TSTD1: variants seen among roughly 807,000 people sequenced by gnomAD.
TSTD1 encodes thiosulfate sulfurtransferase like domain containing 1, also known as thiosulfate:glutathione sulfurtransferase.
TSTD1 carries 7 observed loss-of-function variants against 12.6 expected under a neutral mutation model. The ratio of observed to expected loss-of-function variants is 0.55; its 90% CI spans 0.32 to 1.04. The LOEUF (loss-of-function observed/expected upper bound fraction) is 1.04, where lower values mean the gene tolerates loss of function less well. Among genes scored for constraint, TSTD1 ranks in the 50% least tolerant of loss-of-function variants. The pLI, the probability that TSTD1 is intolerant of heterozygous loss-of-function variation, is 0.05. For missense variants in TSTD1, 156 were observed against 151.0 expected (o/e 1.03, Z -0.17); for synonymous variants, 73 against 59.7 (o/e 1.22, Z -1.03).
Position 161,038,910 on chromosome 1 carries a change from G to A in TSTD1, c.-21C>T. 1 of 1,550,750 alleles carries A rather than the reference G, an allele frequency of 6.4e-7. No individual in the cohort carries two copies. Among genetic ancestry groups the A allele is most frequent in the Admixed American group, 2.0e-5 (1 of 50,988 alleles). Reference sequence around the variant, plus strand: ...GCCATGGTGCGCGTAGCAACCGCGAGTCTCCGGAGTGCGGCCCTGGCCCGC... The same window carrying A: ...GCCATGGTGCGCGTAGCAACCGCGAATCTCCGGAGTGCGGCCCTGGCCCGC... On this transcript the variant is annotated 5_prime_UTR_variant, in exon 1 of 4. Transcript: ENST00000423014.
rs745803362 is a variant in TSTD1 at position 161,038,596 on chromosome 1, C to T, written c.88G>A (p.Glu30Lys). 1.9e-6 allele frequency: 3 copies of T among 1,550,278 alleles called. No homozygotes were observed. Among genetic ancestry groups the T allele is most frequent in the African/African-American group, 2.7e-5 (2 of 73,150 alleles). ...RARLFDVRSR[E>K]EAAAGTIPGA... ...GGGATGGTCCCAGCTGCCGCCTCCT[C>T]GCGAGAGCGCACGTCGAAGAGCCGG... The change falls in exon 2 of 4, where the codon GAG becomes AAG. Residue 30 changes from glutamate to lysine, a missense_variant. Coordinates refer to ENST00000423014, the MANE Select transcript of TSTD1 (RefSeq NM_001113207.2).
chr1:161,037,990 C>T lies in TSTD1; in HGVS notation c.219G>A (p.Glu73=). 1 of 1,551,784 alleles carries T rather than the reference C, an allele frequency of 6.4e-7. No homozygotes were observed. The highest frequency in any genetic ancestry group is 8.7e-7 in the Non-Finnish European group (1 of 1,147,014). ...YSAEKPKLED[E]HLVFFCQMGK... Reference sequence around the variant, plus strand: ...CCATCTGACAGAAGAAAACGAGATGCTCATCTTCCAGCTTTGGCTTCTCAG... The same window carrying T: ...CCATCTGACAGAAGAAAACGAGATGTTCATCTTCCAGCTTTGGCTTCTCAG... The change falls in exon 3 of 4, where the codon GAG becomes GAA. Residue 73 remains glutamate (E), a synonymous_variant. Transcript: ENST00000423014.
At chr1:161,038,281 C>T (rs1387139349) in intron 2 of TSTD1, 6 of 678,646 alleles carry the variant, frequency 8.8e-6, no homozygotes, top group Middle Eastern at 4.1e-4. Flanking sequence ...CGGGATGCCC[C>T]CTCAGGCGTC....
In TSTD1 at chr1:161,038,552, C is replaced by CG; in HGVS notation, c.131dup (p.Val45GlyfsTer22). The CG allele has an allele frequency of 6.5e-7, 1 of 1,540,942 alleles. No individual in the cohort carries two copies. Among genetic ancestry groups the CG allele is most frequent in the Non-Finnish European group, 8.8e-7 (1 of 1,138,698 alleles). On this transcript the variant is annotated frameshift_variant and splice_region_variant, in exon 2 of 4. Coordinates refer to ENST00000423014, the MANE Select transcript of TSTD1 (RefSeq NM_001113207.2). LOFTEE classifies it high-confidence loss of function. ...GGGCGTCCCCTCTCCACCCTATACC[C>CG]GGGATGTTGAGCGCCCCTGGGATGG...
rs1322499674 is a variant in TSTD1, at chr1:161,038,386, G to GC, written c.133+164dup. 38 of 870,786 alleles carry GC rather than the reference G, an allele frequency of 4.4e-5. No individual in the cohort carries two copies. In the East Asian group the frequency reaches 9.0e-4, roughly 21 times the overall value. 53.9% of individuals were successfully genotyped at this position (870,786 alleles called of 1,614,324 possible). On this transcript the variant is annotated intron_variant, in intron 2 of 3. Transcript: ENST00000423014. ...TGGGCCAGTTCCGATGCCAAGATCCGCCCCCCATCAGTCCTTCCTACGGAA... is the reference window on the plus strand; with the variant it reads ...TGGGCCAGTTCCGATGCCAAGATCCGCCCCCCCATCAGTCCTTCCTACGGAA...
intron 1 of TSTD1, 49 bp from the exon 2 acceptor site, chr1:161,038,722 C>A: frequency 6.6e-7 from 1 of 1,526,236 alleles, no homozygotes; most frequent in South Asian, 1.2e-5. Context: ...CTAGGAGTCA[C>A]GGCCGCCATG....
chr1:161,038,525 C>T (rs1650326758), intron 2 of TSTD1, 26 bp downstream of exon 2: 1 of 1,517,760 alleles, frequency 6.6e-7, no homozygotes, highest in South Asian at 1.2e-5. Flanking sequence ...ATTCCACCAC[C>T]TGGGCGTCCC....
Position 161,038,533 on chromosome 1 carries a change from C to CCA in TSTD1, c.133+17_133+18insTG. ...GGTCTCTATTCCACCACCTGGGCGT[C>CCA]CCCTCTCCACCCTATACCCGGGATG... is the stretch of plus-strand genomic sequence containing the variant. On this transcript the variant is annotated intron_variant, in intron 2 of 3. Coordinates refer to ENST00000423014, the MANE Select transcript of TSTD1 (RefSeq NM_001113207.2). The CCA allele has an allele frequency of 6.6e-7, 1 of 1,520,504 alleles. No individual in the cohort carries two copies. The highest frequency in any genetic ancestry group is 8.9e-7 in the Non-Finnish European group (1 of 1,125,766). The allele number at this position is 1,520,504 out of a possible 1,614,324, so 94.2% of individuals were successfully genotyped here.
At position 161,037,694 on chromosome 1, in the gene TSTD1, C is replaced by A; in HGVS notation, c.*81G>T. On this transcript the variant is annotated 3_prime_UTR_variant, in exon 4 of 4. Transcript: ENST00000423014. ...CAACACTATAAGGAGTTGCCCAATT[C>A]ACCAAGTCAGCCCGTTCACACCCTT... 1 of 1,470,624 alleles carries A rather than the reference C, an allele frequency of 6.8e-7. No homozygotes were observed. Among genetic ancestry groups the A allele is most frequent in the Non-Finnish European group, 9.3e-7 (1 of 1,076,066 alleles). The allele number at this position is 1,470,624 out of a possible 1,614,324, so 91.1% of individuals were successfully genotyped here.
intron 1 of TSTD1, 76 bp from the exon 2 acceptor site, chr1:161,038,749 C>G: frequency 6.6e-7 from 1 of 1,519,866 alleles, no homozygotes; most frequent in South Asian, 1.2e-5. Context: ...CCTCACCTGG[C>G]AGCGCCCCTC....
At position 161,038,964 on chromosome 1, in the gene TSTD1, C is replaced by G; in HGVS notation, c.-75G>C. 6.5e-7 allele frequency: 1 copy of G among 1,546,522 alleles called. No homozygotes were observed. Among genetic ancestry groups the G allele is most frequent in the Non-Finnish European group, 8.7e-7 (1 of 1,143,292 alleles). ...CTCGGCGCCTGCAACATCTCCCGTT[C>G]CCTCCCAGAGCTGAGACCGGATCCG... On this transcript the variant is annotated 5_prime_UTR_variant, in exon 1 of 4. Transcript: ENST00000423014.
rs975022504 is a variant in TSTD1, at chr1:161,037,867, A to C, written c.297-41T>G. ...AGCGTGAGAGACTGACAGGAATGAC[A>C]GGCAGTCCCCATCACCTCCCAGCTA... On this transcript the variant is annotated intron_variant, in intron 3 of 3. Transcript: ENST00000423014. 3 of 1,551,784 alleles carry C rather than the reference A, an allele frequency of 1.9e-6. No individual in the cohort carries two copies. The African/African-American group carries it at 4.1e-5, about 21-fold the overall frequency.
rs1237072871 is a variant in TSTD1, at chr1:161,038,603, G to A, written c.81C>T (p.Arg27=). The change falls in exon 2 of 4, where the codon CGC becomes CGT. Residue 27 remains arginine (R), a synonymous_variant. Transcript: ENST00000423014. ...TCCCAGCTGCCGCCTCCTCGCGAGAGCGCACGTCGAAGAGCCGGGCCCGTC... is the reference window on the plus strand; with the variant it reads ...TCCCAGCTGCCGCCTCCTCGCGAGAACGCACGTCGAAGAGCCGGGCCCGTC... ...ASGRARLFDV[R]SREEAAAGTI... is the part of the protein sequence containing the mutation. 33 of 1,550,354 alleles carry A rather than the reference G, an allele frequency of 2.1e-5. No homozygotes were observed. Among genetic ancestry groups the A allele is most frequent in the Non-Finnish European group, 2.8e-5 (32 of 1,146,024 alleles).
chr1:161,037,917 T>C lies in TSTD1; in HGVS notation c.292A>G (p.Thr98Ala). The C allele has an allele frequency of 1.9e-6, 3 of 1,551,816 alleles. No individual in the cohort carries two copies. Among genetic ancestry groups the C allele is most frequent in the South Asian group, 1.2e-5 (1 of 84,068 alleles). Reference sequence around the variant, plus strand: ...AGCAGCCACACCTCCCCGTACCCAGTGTATCCAAGACTCCGGGCCAGCTGC... The same window carrying C: ...AGCAGCCACACCTCCCCGTACCCAGCGTATCCAAGACTCCGGGCCAGCTGC... ...ATQLARSLGY[T>A]GARNYAGAYR... The change falls in exon 3 of 4, where the codon ACT becomes GCT. Residue 98 changes from threonine to alanine, a missense_variant. By Grantham distance (58) the Thr-to-Ala change is moderately conservative. Coordinates refer to ENST00000423014, the MANE Select transcript of TSTD1 (RefSeq NM_001113207.2).
chr1:161,038,908 G>C lies in TSTD1; in HGVS notation c.-19C>G, dbSNP rs779897449. 1.7e-5 allele frequency: 27 copies of C among 1,550,612 alleles called. No individual in the cohort carries two copies. Among genetic ancestry groups the C allele is most frequent in the African/African-American group, 2.7e-5 (2 of 73,016 alleles). On this transcript the variant is annotated 5_prime_UTR_variant, in exon 1 of 4. Coordinates refer to ENST00000423014, the MANE Select transcript of TSTD1 (RefSeq NM_001113207.2). The stretch of plus-strand genomic sequence containing the variant: ...CAGCCATGGTGCGCGTAGCAACCGC[G>C]AGTCTCCGGAGTGCGGCCCTGGCCC...
In TSTD1 at chr1:161,037,845, G is replaced by A. The variant is rs928837073; in HGVS notation, c.297-19C>T. On this transcript the variant is annotated intron_variant, in intron 3 of 3. Transcript: ENST00000423014. ...GCGAGCCCTGTGGAGACAAAGAAGC[G>A]TGAGAGACTGACAGGAATGACAGGC... The A allele has an allele frequency of 6.4e-6, 10 of 1,551,660 alleles. No homozygotes were observed. The highest frequency in any genetic ancestry group is 3.9e-5 in the Admixed American group (2 of 50,982).
intron 1 of TSTD1, 31 bp from the exon 2 acceptor site, chr1:161,038,704 G>C: frequency 6.5e-7 from 1 of 1,539,376 alleles, no homozygotes; most frequent in South Asian, 1.2e-5. Flanking sequence ...CCTTCAGGAA[G>C]AGGGGGCCTA....
At position 161,038,583 on chromosome 1, in the gene TSTD1, G is replaced by A. The variant is rs770906890; in HGVS notation, c.101C>T (p.Ala34Val). The stretch of plus-strand genomic sequence containing the variant: ...GTTGAGCGCCCCTGGGATGGTCCCA[G>A]CTGCCGCCTCCTCGCGAGAGCGCAC... ...FDVRSREEAA[A>V]GTIPGALNIP... Residue 34 changes from alanine to valine, a missense_variant, in exon 2 of 4, where the codon GCT becomes GTT. Coordinates refer to ENST00000423014, the MANE Select transcript of TSTD1 (RefSeq NM_001113207.2). 1.9e-5 allele frequency: 30 copies of A among 1,549,810 alleles called. No homozygotes were observed. Among genetic ancestry groups the A allele is most frequent in the South Asian group, 1.3e-4 (11 of 83,984 alleles).
At position 161,038,911 on chromosome 1, in the gene TSTD1, T is replaced by G; in HGVS notation, c.-22A>C. Reference sequence around the variant, plus strand: ...CCATGGTGCGCGTAGCAACCGCGAGTCTCCGGAGTGCGGCCCTGGCCCGCC... The same window carrying G: ...CCATGGTGCGCGTAGCAACCGCGAGGCTCCGGAGTGCGGCCCTGGCCCGCC... On this transcript the variant is annotated 5_prime_UTR_variant, in exon 1 of 4. Coordinates refer to ENST00000423014, the MANE Select transcript of TSTD1 (RefSeq NM_001113207.2). 6.4e-7 allele frequency: 1 copy of G among 1,550,428 alleles called. No homozygotes were observed. The highest frequency in any genetic ancestry group is 1.2e-5 in the South Asian group (1 of 84,024).
Sources: allele counts gnomAD v4.1 joint callset, GRCh38; gene constraint gnomAD v4.1.1; transcripts MANE v1.5; gene names NCBI Gene and HGNC (gene_info 2026-07-23, HGNC 2026-07-21).